The following DIP2C variants were observed in gnomAD, a reference collection of about 807,000 sequenced individuals.
DIP2C encodes DIP2 acetate--CoA ligase C (putative).
DIP2C carries 33 observed loss-of-function variants against 192.4 expected under a neutral mutation model. The ratio of observed to expected loss-of-function variants is 0.17; its 90% CI spans 0.13 to 0.23. DIP2C has a LOEUF of 0.23. Ranked by LOEUF, DIP2C falls within the 10% of genes least tolerant of loss-of-function variation. The probability of loss-of-function intolerance (pLI) is 1.00; values close to 1 mark genes in which losing one functional copy is unlikely to be tolerated. For synonymous variants in DIP2C, 979 were observed against 864.1 expected (o/e 1.13, Z -2.33); for missense variants, 1,537 against 2,110.1 (o/e 0.73, Z 5.32).
At chr10:384,228 T>C (rs1962650195) in intron 15 of DIP2C, 82 bp from the exon 16 acceptor site, 5 of 1,483,660 alleles carry the variant, frequency 3.4e-6, no homozygotes, top group Non-Finnish European at 4.5e-6. Flanking sequence ...TTGTGAGTAG[T>C]GGGGAAGGGT....
chr10:370,147 G>A, intron 17 of DIP2C: 1 of 699,404 alleles, frequency 1.4e-6, no homozygotes, highest in Non-Finnish European at 1.8e-6. Flanking sequence ...AATTTTATAA[G>A]AATCTAAAAT....
In DIP2C at chr10:384,089, T is replaced by C; in HGVS notation, c.1814A>G (p.Asp605Gly). The C allele has an allele frequency of 6.2e-7, 1 of 1,612,232 alleles. No homozygotes were observed. The highest frequency in any genetic ancestry group is 1.1e-5 in the South Asian group (1 of 90,690). Residue 605 changes from aspartate to glycine, a missense_variant, in exon 16 of 37, where the codon GAT becomes GGT. Around this residue, in one of 4 missense-constraint regions of DIP2C, gnomAD observed 677 missense variants for 989.9 expected, o/e 0.68. Coordinates refer to ENST00000280886, the MANE Select transcript of DIP2C (RefSeq NM_014974.3). ...AGAGGAGAGGTTGATGTCTCTCTGATCTCTGTGTGCTACTAATGCCCAATG... is the reference window on the plus strand; with the variant it reads ...AGAGGAGAGGTTGATGTCTCTCTGACCTCTGTGTGCTACTAATGCCCAATG... ...DMHWALVAHR[D>G]QRDINLSSLR...
At chr10:385,994 C>T (rs536175828) in intron 14 of DIP2C, among the ~76,000 whole-genome samples, 1 of 152,306 alleles carries the variant, frequency 6.6e-6, no homozygotes, top group East Asian at 1.9e-4. Context: ...TGGAGAGACT[C>T]GCACCTGCCA....
chr10:535,902 G>A (rs1347447495), intron 1 of DIP2C, among the ~76,000 whole-genome samples: 1 of 152,212 alleles, frequency 6.6e-6, no homozygotes, highest in Admixed American at 6.5e-5. Context: ...ATACTTATAT[G>A]TATGCAAATG....
intron 3 of DIP2C, among the ~76,000 whole-genome samples, chr10:453,395 G>C (rs1208298532): frequency 1.3e-5 from 2 of 152,352 alleles, no homozygotes; most frequent in East Asian, 3.9e-4. Flanking sequence ...AGAGTAACAA[G>C]ATTTGCTGGT....
chr10:673,353 G>A (rs1170661491), intron 1 of DIP2C, among the ~76,000 whole-genome samples: 1 of 152,204 alleles, frequency 6.6e-6, no homozygotes, highest in Non-Finnish European at 1.5e-5. Flanking sequence ...TGTCTCCTGG[G>A]AAAGCATTTC....
intron 36 of DIP2C, 117 bp downstream of exon 36, chr10:281,083 A>C: frequency 7.1e-7 from 1 of 1,414,212 alleles, no homozygotes; most frequent in South Asian, 1.3e-5. Flanking sequence ...CAAATGTTGA[A>C]TCGCACCCCC....
intron 16 of DIP2C, 107 bp downstream of exon 16, chr10:383,920 C>A: frequency 3.7e-6 from 5 of 1,355,214 alleles, no homozygotes; most frequent in South Asian, 1.8e-5. Flanking sequence ...AGAATGAAAC[C>A]TGGGGAAAAA....
At chr10:549,121 C>T (rs1848459718) in intron 1 of DIP2C, among the ~76,000 whole-genome samples, 1 of 152,102 alleles carries the variant, frequency 6.6e-6, no homozygotes, top group South Asian at 2.1e-4. Flanking sequence ...ATCAAGGAAT[C>T]CCTACAAATA....
At chr10:528,381 AGCTCCCCCAGAACGCAGACCGCCCACT>A (rs1564821167) in intron 1 of DIP2C, among the ~76,000 whole-genome samples, 31 of 81,988 alleles carry the variant, frequency 3.8e-4, no homozygotes, top group East Asian at 2.0e-3. Context: ...GACCGCCCGC[AGCTCCCCCAGAACGCAGACCGCCCACT>A]GCTCCCCCAG....
intron 1 of DIP2C, among the ~76,000 whole-genome samples, chr10:605,272 A>AT (rs1852381769): frequency 6.6e-6 from 1 of 152,226 alleles, no homozygotes; most frequent in Non-Finnish European, 1.5e-5. Context: ...CTCTACGACT[A>AT]TCTCAACTAC....
intron 1 of DIP2C, among the ~76,000 whole-genome samples, chr10:541,567 A>AC (rs1847989583): frequency 7.8e-6 from 1 of 128,200 alleles, no homozygotes; most frequent in African/African-American, 3.1e-5. Flanking sequence ...CCACCTGAAC[A>AC]CCCCCATCTC....
At chr10:674,382 T>C (rs1272354722) in intron 1 of DIP2C, among the ~76,000 whole-genome samples, 2 of 151,492 alleles carry the variant, frequency 1.3e-5, no homozygotes, top group East Asian at 2.0e-4. Context: ...TATATAATGA[T>C]AAGGAGATCA....
chr10:344,691 C>G (rs1958342835), intron 28 of DIP2C, 118 bp downstream of exon 28: 1 of 809,772 alleles, frequency 1.2e-6, no homozygotes, highest in Admixed American at 2.1e-5. Context: ...GTATGTATAC[C>G]TCTTTCCACA....
chr10:392,636 C>T lies in DIP2C; in HGVS notation c.1261-1773G>A, dbSNP rs74504961. 9.4e-3 allele frequency among the ~76,000 whole-genome samples: 1,427 copies of T among 152,300 alleles called. 30 individuals carry two copies. Among genetic ancestry groups the T allele is most frequent in the African/African-American group, 0.032 (1,338 of 41,560 alleles). On this transcript the variant is annotated intron_variant, in intron 10 of 36. Coordinates refer to ENST00000280886, the MANE Select transcript of DIP2C (RefSeq NM_014974.3). ...GCCCTGGCCAGTGTGCTCAGAACAG[C>T]ACTTAACCATGTCTCACCCTACACA...
rs189228329 is a variant in DIP2C at position 464,303 on chromosome 10, A to C, written c.268+8136T>G. On this transcript the variant is annotated intron_variant, in intron 3 of 36. Coordinates refer to ENST00000280886, the MANE Select transcript of DIP2C (RefSeq NM_014974.3). ...AGAACTTAAACAAATTTACAAGAAA[A>C]AACAACCCCATCAAGAAGTGGACAA... 3.4e-3 allele frequency among the ~76,000 whole-genome samples: 511 copies of C among 152,248 alleles called. 3 individuals carry two copies. Among genetic ancestry groups the C allele is most frequent in the African/African-American group, 0.012 (487 of 41,544 alleles).
At chr10:289,725 C>T (rs1281226589) in intron 32 of DIP2C, among the ~76,000 whole-genome samples, 1 of 152,120 alleles carries the variant, frequency 6.6e-6, no homozygotes, top group Non-Finnish European at 1.5e-5. Flanking sequence ...CCCTGAGGGA[C>T]CAGTCCAGCA....
At chr10:522,968 G>GACA (rs1399098342) in intron 1 of DIP2C, among the ~76,000 whole-genome samples, 1 of 151,332 alleles carries the variant, frequency 6.6e-6, no homozygotes, top group Admixed American at 6.6e-5. Context: ...ATTTCTACCT[G>GACA]ACACTAAGGA....
At chr10:439,460 C>T (rs1485670507) in intron 4 of DIP2C, among the ~76,000 whole-genome samples, 1 of 152,112 alleles carries the variant, frequency 6.6e-6, no homozygotes. Flanking sequence ...TCCACAAAAA[C>T]TTAAAAATTA....
Sources: gnomAD v4.1 joint callset for allele counts (sites outside exome capture counted in the v4.1 genomes callset) on GRCh38, gnomAD v4.1.1 for gene constraint, gnomAD v4.1.1 regional missense constraint, MANE v1.5 for transcripts, NCBI Gene and HGNC (gene_info 2026-07-23, HGNC 2026-07-21) for gene names.